The following SLC6A16 variants were observed in gnomAD, a reference collection of about 807,000 sequenced individuals.
SLC6A16 encodes orphan sodium- and chloride-dependent neurotransmitter transporter NTT5.
A neutral mutation model predicts 65.4 loss-of-function variants in SLC6A16; 54 were observed. That is an observed-to-expected ratio of 0.83 (90% CI 0.66 to 1.04). The LOEUF (loss-of-function observed/expected upper bound fraction) is 1.04, where lower values mean the gene tolerates loss of function less well. Ranked by LOEUF, SLC6A16 falls within the 50% of genes least tolerant of loss-of-function variation. The probability of loss-of-function intolerance (pLI) is 0.00; values close to 1 mark genes in which losing one functional copy is unlikely to be tolerated. For synonymous variants in SLC6A16, 330 were observed against 346.5 expected, an observed-to-expected ratio of 0.95 and a Z score of 0.53; for missense variants, 816 against 914.0, an observed-to-expected ratio of 0.89 and a Z score of 1.38.
chr19:49,308,485 C>T (rs1364675257), intron 7 of SLC6A16, among the ~76,000 whole-genome samples: 1 of 151,966 alleles, frequency 6.6e-6, no homozygotes, highest in Non-Finnish European at 1.5e-5. Flanking sequence ...TAATGGGGGC[C>T]TTCTACTTCT....
intron 3 of SLC6A16, 87 bp from the exon 4 acceptor site, chr19:49,310,253 G>A (rs918460694): frequency 1.9e-6 from 3 of 1,604,576 alleles, no homozygotes; most frequent in African/African-American, 1.3e-5. Flanking sequence ...GAACCAAAGG[G>A]ATCTGACCCA....
chr19:49,310,870 C>G (rs1970505338), intron 2 of SLC6A16, 63 bp downstream of exon 2: 2 of 1,235,422 alleles, frequency 1.6e-6, no homozygotes, highest in Non-Finnish European at 2.3e-6. Flanking sequence ...ATGGTTAAAG[C>G]CTGGACAGGA....
At chr19:49,304,297 T>C (rs1343073369) in intron 7 of SLC6A16, among the ~76,000 whole-genome samples, 1 of 152,130 alleles carries the variant, frequency 6.6e-6, no homozygotes, top group African/African-American at 2.4e-5. Flanking sequence ...CTACAAAAAC[T>C]ATAACCACGC....
At chr19:49,318,004 G>A (rs1305541280) in intron 1 of SLC6A16, among the ~76,000 whole-genome samples, 1 of 152,104 alleles carries the variant, frequency 6.6e-6, no homozygotes, top group Non-Finnish European at 1.5e-5. Context: ...CACTTGAGGA[G>A]GCAAAAGTCA....
the SLC6A16 span, among the ~76,000 whole-genome samples, chr19:49,333,403 G>A: frequency 6.6e-6 from 1 of 152,184 alleles, no homozygotes; most frequent in African/African-American, 2.4e-5. Context: ...AACCCAGGAG[G>A]CGGAGGTTGC....
intron 10 of SLC6A16, among the ~76,000 whole-genome samples, chr19:49,291,037 C>T (rs1297484364): frequency 6.6e-6 from 1 of 152,148 alleles, no homozygotes; most frequent in Non-Finnish European, 1.5e-5. Context: ...TCATTCATCC[C>T]ATAAATATGA....
At chr19:49,328,419 T>A (rs149355826), upstream of SLC6A16, among the ~76,000 whole-genome samples, 6 of 152,270 alleles carry the variant, frequency 3.9e-5, no homozygotes, top group East Asian at 1.2e-3. Flanking sequence ...TTATGAAGAT[T>A]ATAATTCAAG....
At chr19:49,334,287 C>T in the SLC6A16 span, among the ~76,000 whole-genome samples, 2 of 151,704 alleles carry the variant, frequency 1.3e-5, no homozygotes, top group African/African-American at 2.4e-5. Flanking sequence ...AATTTGAGAC[C>T]AGCCTAGGCA....
Position 49,290,123 on chromosome 19 carries a change from T to C in SLC6A16, c.2211A>G (p.Ter737=), listed in dbSNP as rs775419990. 3 of 1,613,386 alleles carry C rather than the reference T, an allele frequency of 1.9e-6. No homozygotes were observed. The highest frequency in any genetic ancestry group is 2.2e-5 in the South Asian group (2 of 91,048). ...GTTATGTGAAGCCAAATTAATGAAG[T>C]TAGGAAGTCACATTACAAGTTGATG... ...KYPSTCNVTS[*] is the part of the protein sequence containing the mutation. Residue 737 remains the stop codon, a stop_retained_variant, in exon 12 of 12, where the codon TAA becomes TAG. Coordinates refer to ENST00000335875, the MANE Select transcript of SLC6A16 (RefSeq NM_014037.3).
Position 49,309,103 on chromosome 19 carries a change from G to T in SLC6A16, c.1002C>A (p.Tyr334Ter). The T allele has an allele frequency of 6.2e-7, 1 of 1,614,124 alleles. No homozygotes were observed. Among genetic ancestry groups the T allele is most frequent in the Non-Finnish European group, 8.5e-7 (1 of 1,180,018 alleles). Residue 334 changes from tyrosine (Y) to a stop codon, truncating the protein, a stop_gained, in exon 7 of 12, where the codon TAC (tyrosine) becomes TAA (stop). Transcript: ENST00000335875. LOFTEE classifies it high-confidence loss of function. ...QLVVAKISDV[Y>*]NMSVWSLAGG... ...CTGCTAGAGACCACACACTCATATT[G>T]TACACATCCGATATCTAAAAGAGAG... is the stretch of plus-strand genomic sequence containing the variant.
chr19:49,309,542 A>AG, intron 5 of SLC6A16, 109 bp downstream of exon 5: 1 of 1,264,868 alleles, frequency 7.9e-7, no homozygotes, highest in Non-Finnish European at 1.1e-6. Flanking sequence ...GTCAGGGGCT[A>AG]GGGGAGTAAA....
At chr19:49,299,693 A>G (rs995506282) in intron 7 of SLC6A16, among the ~76,000 whole-genome samples, 3 of 151,804 alleles carry the variant, frequency 2.0e-5, no homozygotes, top group African/African-American at 7.2e-5. Flanking sequence ...TTCAGAAAAG[A>G]AAAGTAGGGA....
the SLC6A16 span, among the ~76,000 whole-genome samples, chr19:49,334,978 ACT>A: frequency 0.014 from 2,199 of 152,088 alleles, 56 homozygotes; most frequent in African/African-American, 0.05. Context: ...GGAGGGAGAG[ACT>A]CTGCTGAGAT....
chr19:49,331,633 T>G, the SLC6A16 span: 2 of 387,864 alleles, frequency 5.2e-6, no homozygotes, highest in Non-Finnish European at 1.0e-5. Context: ...TCCAAAATGC[T>G]TTATGTAAGT....
At chr19:49,299,238 T>A (rs1467826770) in intron 7 of SLC6A16, among the ~76,000 whole-genome samples, 1 of 138,312 alleles carries the variant, frequency 7.2e-6, no homozygotes, top group Non-Finnish European at 1.5e-5. Context: ...AGAGCGAGAC[T>A]CCGTCTCAAA....
At chr19:49,327,401 TAGA>T (rs1292294164), upstream of SLC6A16, among the ~76,000 whole-genome samples, 2 of 152,114 alleles carry the variant, frequency 1.3e-5, no homozygotes, top group Non-Finnish European at 2.9e-5. Flanking sequence ...AGACCTAATT[TAGA>T]AGGAGGATTT....
the SLC6A16 span, chr19:49,337,557 G>A: frequency 9.0e-7 from 1 of 1,113,288 alleles, no homozygotes; most frequent in African/African-American, 1.6e-5. Flanking sequence ...GGGAGTTTGA[G>A]GCTACAGTGA....
At chr19:49,294,168 C>T (rs762551369) in intron 8 of SLC6A16, 140 bp from the exon 9 acceptor site, 1 of 908,472 alleles carries the variant, frequency 1.1e-6, no homozygotes, top group Non-Finnish European at 1.6e-6. Flanking sequence ...TCCAAGCTAA[C>T]CCCCTGACAT....
chr19:49,327,455 T>C (rs1970811031), upstream of SLC6A16, among the ~76,000 whole-genome samples: 1 of 152,178 alleles, frequency 6.6e-6, no homozygotes, highest in Non-Finnish European at 1.5e-5. Context: ...TAAAGGATTA[T>C]TTGCTAGGTG....
Sources: allele counts gnomAD v4.1 joint callset (sites outside exome capture counted in the v4.1 genomes callset), GRCh38; gene constraint gnomAD v4.1.1; transcripts MANE v1.5; gene names NCBI Gene and HGNC (gene_info 2026-07-23, HGNC 2026-07-21).